Variants in KAZN observed in about 807,000 individuals in gnomAD.
KAZN encodes kazrin, periplakin interacting protein, also known as kazrin.
A neutral mutation model predicts 87.4 loss-of-function variants in KAZN; 40 were observed. The ratio of observed to expected loss-of-function variants is 0.46; its 90% confidence interval spans 0.36 to 0.60. The LOEUF is 0.60. Ranked by LOEUF, KAZN falls within the 20% of genes least tolerant of loss-of-function variation. The pLI is 0.00. For missense variants in KAZN, 898 were observed against 1,073.9 expected, an observed-to-expected ratio of 0.84 and a Z score of 2.29; for synonymous variants, 466 against 458.3, an observed-to-expected ratio of 1.02 and a Z score of -0.22.
intron 1 of KAZN, among the ~76,000 whole-genome samples, chr1:14,168,148 C>T (rs1221069834): frequency 1.3e-5 from 2 of 152,188 alleles, no homozygotes; most frequent in African/African-American, 2.4e-5. Flanking sequence ...AATGAAAATT[C>T]GTGTATTATG....
intron 1 of KAZN, among the ~76,000 whole-genome samples, chr1:14,940,677 G>A (rs930668274): frequency 2.0e-5 from 3 of 152,150 alleles, no homozygotes; most frequent in Non-Finnish European, 4.4e-5. Flanking sequence ...TCCTAAGGAA[G>A]AATGTTCCCC....
intron 2 of KAZN, among the ~76,000 whole-genome samples, chr1:14,520,980 G>C (rs184003088): frequency 1.3e-5 from 2 of 152,336 alleles, no homozygotes; most frequent in Admixed American, 6.5e-5. Context: ...GGCCAGAGCA[G>C]GGAGAGGCAT....
intron 2 of KAZN, among the ~76,000 whole-genome samples, chr1:14,971,810 A>C (rs1003928922): frequency 1.3e-5 from 2 of 150,682 alleles, no homozygotes; most frequent in Non-Finnish European, 2.9e-5. Context: ...GTTTTAATGC[A>C]TTCTCCGTCT....
At chr1:14,834,742 G>C (rs1647169747) in intron 1 of KAZN, among the ~76,000 whole-genome samples, 2 of 152,146 alleles carry the variant, frequency 1.3e-5, no homozygotes, top group Non-Finnish European at 2.9e-5. Flanking sequence ...GGAAATATAA[G>C]AGTGGAAAGA....
At chr1:14,527,604 G>T (rs995937181) in intron 2 of KAZN, among the ~76,000 whole-genome samples, 18 of 151,462 alleles carry the variant, frequency 1.2e-4, no homozygotes, top group Non-Finnish European at 2.5e-4. Context: ...TGCAGACTGA[G>T]CAAGAAACAA....
At chr1:14,798,416 C>CTTTTTTTTTTTTTTTTTT (rs545959773) in intron 1 of KAZN, among the ~76,000 whole-genome samples, 1 of 88,148 alleles carries the variant, frequency 1.1e-5, no homozygotes, top group African/African-American at 4.7e-5. Flanking sequence ...TGTTTCTTTC[C>CTTTTTTTTTTTTTTTTTT]TTTTTTTTTT....
chr1:14,284,218 C>T (rs910747828), intron 2 of KAZN, among the ~76,000 whole-genome samples: 10 of 152,174 alleles, frequency 6.6e-5, no homozygotes, highest in East Asian at 5.8e-4. Flanking sequence ...ATTGTGGCTG[C>T]GCAATCTGTA....
intron 1 of KAZN, among the ~76,000 whole-genome samples, chr1:14,904,882 C>T (rs1656336425): frequency 6.6e-6 from 1 of 152,212 alleles, no homozygotes; most frequent in African/African-American, 2.4e-5. Context: ...CTGCCTCCGC[C>T]TCCCAAGTAG....
intron 2 of KAZN, among the ~76,000 whole-genome samples, chr1:14,318,873 A>T (rs111916170): frequency 0.024 from 3,641 of 151,980 alleles, 155 homozygotes; most frequent in African/African-American, 0.083. Context: ...TTGGTTCTTT[A>T]TATATCTCCA....
chr1:13,923,341 A>G (rs1416556827), intron 1 of KAZN, among the ~76,000 whole-genome samples: 3 of 152,114 alleles, frequency 2.0e-5, no homozygotes. Context: ...TGGGAGGCTG[A>G]GGTGGGCAGA....
At chr1:14,499,409 G>A (rs997093670) in intron 2 of KAZN, among the ~76,000 whole-genome samples, 1 of 152,200 alleles carries the variant, frequency 6.6e-6, no homozygotes, top group African/African-American at 2.4e-5. Context: ...GCTCTGCCAT[G>A]GGATCGATTC....
intron 1 of KAZN, among the ~76,000 whole-genome samples, chr1:14,770,218 C>T (rs555602505): frequency 2.0e-5 from 3 of 152,244 alleles, no homozygotes; most frequent in Admixed American, 2.0e-4. Context: ...AGGCATGGTG[C>T]CTGATGATTT....
chr1:13,953,633 T>G (rs1641435486), intron 1 of KAZN, among the ~76,000 whole-genome samples: 1 of 152,180 alleles, frequency 6.6e-6, no homozygotes, highest in South Asian at 2.1e-4. Flanking sequence ...CTGGAAGCTT[T>G]TAGAGTTTTC....
intron 1 of KAZN, among the ~76,000 whole-genome samples, chr1:14,718,968 A>G (rs1037018240): frequency 2.6e-5 from 4 of 152,090 alleles, no homozygotes; most frequent in Non-Finnish European, 5.9e-5. Context: ...TTTCAACTTC[A>G]CAGTCTGAGT....
chr1:14,740,279 C>T (rs1003947523), intron 1 of KAZN, among the ~76,000 whole-genome samples: 4 of 152,196 alleles, frequency 2.6e-5, no homozygotes, highest in African/African-American at 7.2e-5. Flanking sequence ...ATCCCAGATG[C>T]ACAGGCTGTG....
chr1:14,985,370 A>G (rs941566482), intron 2 of KAZN, among the ~76,000 whole-genome samples: 5 of 151,802 alleles, frequency 3.3e-5, no homozygotes, highest in African/African-American at 1.2e-4. Flanking sequence ...TCTCTATAAA[A>G]CATTTTTAAA....
rs373621787 is a variant in KAZN, at chr1:14,358,900, CT to C, written c.249+178312del. ...TGGTGCTGAGAAAAAAATGTAGATT[CT>C]TTTGATTTGGGGTGGAGAGTTCTGT... On this transcript the variant is annotated intron_variant, in intron 2 of 16. Transcript: ENST00000636203. Among the ~76,000 whole-genome samples the C allele has an allele frequency of 2.0e-3, 305 of 152,224 alleles. 1 individual carries two copies. Among genetic ancestry groups the C allele is most frequent in the African/African-American group, 7.0e-3 (289 of 41,552 alleles).
intron 1 of KAZN, among the ~76,000 whole-genome samples, chr1:13,983,445 C>T (rs183711325): frequency 2.0e-5 from 3 of 152,370 alleles, no homozygotes; most frequent in Non-Finnish European, 4.4e-5. Context: ...CAGGGCCGGC[C>T]GGCTGCTCTG....
chr1:15,048,767 C>CGGTCCTGGGTCGTT (rs1673936356), intron 4 of KAZN, among the ~76,000 whole-genome samples: 2 of 120,074 alleles, frequency 1.7e-5, no homozygotes, highest in South Asian at 3.2e-4. Context: ...CCTGGGTCGT[C>CGGTCCTGGGTCGTT]GATCCTGGGT....
Sources: gnomAD v4.1 joint callset for allele counts (sites outside exome capture counted in the v4.1 genomes callset) on GRCh38, gnomAD v4.1.1 for gene constraint, MANE v1.5 for transcripts, NCBI Gene and HGNC (gene_info 2026-07-23, HGNC 2026-07-21) for gene names.